The following SLC7A14 variants were observed in gnomAD, a reference collection of about 807,000 sequenced individuals.
The protein encoded by SLC7A14 is solute carrier family 7 member 14.
Under a neutral mutation model 60.2 loss-of-function variants are expected in SLC7A14, and 37 were observed. That is an observed-to-expected ratio of 0.61 (90% CI 0.47 to 0.81). The LOEUF (loss-of-function observed/expected upper bound fraction) is 0.81. Ranked by LOEUF, SLC7A14 falls within the 30% of genes least tolerant of loss-of-function variation. The pLI is 0.00. For synonymous variants in SLC7A14, 399 were observed against 395.8 expected (o/e 1.01, Z -0.10); for missense variants, 886 against 982.7 (o/e 0.90, Z 1.32).
chr3:170,501,032 T>G lies in SLC7A14; in HGVS notation c.541+77A>C, dbSNP rs150972426. On this transcript the variant is annotated intron_variant, in intron 3 of 7. Transcript: ENST00000231706. ...AGGCTTTTGATACATTTTGCCAAAT[T>G]GCTTTCTGAAAGGAGAACTCATTTA... The G allele has an allele frequency of 2.9e-3, 4,163 of 1,441,160 alleles. 8 individuals carry two copies. The highest frequency in any genetic ancestry group is 3.3e-3 in the Non-Finnish European group (3,400 of 1,030,280). The allele number at this position is 1,441,160 out of a possible 1,614,324, so 89.3% of individuals were successfully genotyped here.
chr3:170,584,682 A>G lies in SLC7A14; in HGVS notation c.-153+1229T>C, dbSNP rs572374932. ...CGCAGGGAATGTGGGCCCTGGCGGT[A>G]TTAGCACCCAGCCTCTGAGAACTTT... On this transcript the variant is annotated intron_variant, in intron 1 of 7. Coordinates refer to ENST00000231706, the MANE Select transcript of SLC7A14 (RefSeq NM_020949.3). Among the ~76,000 whole-genome samples, 83 of 152,262 alleles carry G rather than the reference A, an allele frequency of 5.5e-4. 1 individual carries two copies. The South Asian group carries it at 6.4e-3, about 12-fold the overall frequency.
At position 170,532,265 on chromosome 3, in the gene SLC7A14, C is replaced by T. The variant is rs1713700804; in HGVS notation, c.-152-5177G>A. Among the ~76,000 whole-genome samples the T allele has an allele frequency of 6.6e-6, 1 of 152,104 alleles. No individual in the cohort carries two copies. Among genetic ancestry groups the T allele is most frequent in the Non-Finnish European group, 1.5e-5 (1 of 68,006 alleles). On this transcript the variant is annotated intron_variant, in intron 1 of 7. Transcript: ENST00000231706. This position sits in a 1 kb window ranked among gnomAD's most constrained non-coding sequence, Gnocchi z 4.0. ...AAAATGAGGCTGCAGTTAGAGTAAA[C>T]GTTGCCTGGTTTTCTGAGCCCCACC...
At chr3:170,565,528 A>T (rs761762625) in intron 1 of SLC7A14, among the ~76,000 whole-genome samples, 1 of 152,166 alleles carries the variant, frequency 6.6e-6, no homozygotes, top group Non-Finnish European at 1.5e-5. Flanking sequence ...TTTCCTAGGA[A>T]AAAGGGGTGA....
At chr3:170,548,788 A>G (rs886545026) in intron 1 of SLC7A14, among the ~76,000 whole-genome samples, 10 of 152,320 alleles carry the variant, frequency 6.6e-5, no homozygotes, top group African/African-American at 2.2e-4. Context: ...ATCACTTCTC[A>G]TCTGTGAATG....
rs200276057 is a variant in SLC7A14 at position 170,483,528 on chromosome 3, A to G, written c.907-6T>C. 7.1e-4 allele frequency: 1,141 copies of G among 1,614,164 alleles called. 1 individual carries two copies. The highest frequency in any genetic ancestry group is 9.1e-4 in the Non-Finnish European group (1,071 of 1,179,998). On this transcript the variant is annotated splice_region_variant and splice_polypyrimidine_tract_variant and intron_variant, in intron 5 of 7. Transcript: ENST00000231706. Reference sequence around the variant, plus strand: ...AGAGTTAAGATCACGCTCACCTGTTAAAACAAGAGAAGACAGGGCTGGAGG... The same window carrying G: ...AGAGTTAAGATCACGCTCACCTGTTGAAACAAGAGAAGACAGGGCTGGAGG...
At position 170,480,373 on chromosome 3, in the gene SLC7A14, CA is replaced by C; in HGVS notation, c.1908del (p.Ala637ProfsTer6). On this transcript the variant is annotated frameshift_variant, in exon 7 of 8. Transcript: ENST00000231706. LOFTEE classifies it high-confidence loss of function. Reference sequence around the variant, plus strand: ...TAGATGTTCACCAGCATGGCAAAGGCAGGCACAAAGGGGAGGCAAGGGGCCA... The same window carrying C: ...TAGATGTTCACCAGCATGGCAAAGGCGGCACAAAGGGGAGGCAAGGGGCCA... ...PYMAPCLPFV[P>X]AFAMLVNIYL... 2.5e-6 allele frequency: 4 copies of C among 1,607,912 alleles called. No individual in the cohort carries two copies. The highest frequency in any genetic ancestry group is 3.4e-6 in the Non-Finnish European group (4 of 1,176,622).
In SLC7A14 at chr3:170,483,306, G is replaced by C. The variant is rs1278166882; in HGVS notation, c.1115+8C>G. On this transcript the variant is annotated splice_region_variant and intron_variant, in intron 6 of 7. Transcript: ENST00000231706. ...AGCAGGATAAATTTCATGGAGCATA[G>C]CCCTTACCTGAAAAGGAGCCCGTCA... The C allele has an allele frequency of 3.1e-6, 5 of 1,613,876 alleles. No homozygotes were observed. Among genetic ancestry groups the C allele is most frequent in the Middle Eastern group, 1.7e-4 (1 of 6,036 alleles).
At position 170,459,631 on chromosome 3, in the gene SLC7A14, CA is replaced by C. The variant is rs1739554289; in HGVS notation, c.*7423del. 6.6e-6 allele frequency: 1 copy of C among 152,160 alleles called. No homozygotes were observed. Among genetic ancestry groups the C allele is most frequent in the South Asian group, 2.1e-4 (1 of 4,822 alleles). 9.4% of individuals were successfully genotyped at this position (152,160 alleles called of 1,614,324 possible). A position where few individuals can be genotyped will look rare whatever the true frequency, so the allele number is the denominator to read the frequency against. On this transcript the variant is annotated 3_prime_UTR_variant, in exon 8 of 8. Transcript: ENST00000231706. ...TGAAAATGAATTTTCCACAATAATG[CA>C]ATTCAAAGTGAACTCATTTATCTGG...
At chr3:170,488,957 C>A (rs763147258) in intron 4 of SLC7A14, among the ~76,000 whole-genome samples, 2 of 152,228 alleles carry the variant, frequency 1.3e-5, no homozygotes, top group East Asian at 3.9e-4. Context: ...TTGTTTTCAT[C>A]CAACGTTTTC....
At chr3:170,487,536 G>A (rs550791496) in intron 4 of SLC7A14, among the ~76,000 whole-genome samples, 5 of 152,144 alleles carry the variant, frequency 3.3e-5, no homozygotes, top group South Asian at 4.2e-4. Context: ...AAATCAAAAC[G>A]TGTGCCAAGC....
intron 1 of SLC7A14, among the ~76,000 whole-genome samples, chr3:170,573,924 T>C (rs1175163821): frequency 6.6e-6 from 1 of 152,218 alleles, no homozygotes; most frequent in Non-Finnish European, 1.5e-5. Context: ...TGGGCCACAC[T>C]TAGAAGCATC....
chr3:170,513,683 G>C (rs1027006130), intron 2 of SLC7A14, among the ~76,000 whole-genome samples: 1 of 152,176 alleles, frequency 6.6e-6, no homozygotes, highest in Non-Finnish European at 1.5e-5. Flanking sequence ...CTTTTAACAA[G>C]GCACAGGCAC....
chr3:170,554,313 A>G (rs1266968503), intron 1 of SLC7A14, among the ~76,000 whole-genome samples: 4 of 152,230 alleles, frequency 2.6e-5, no homozygotes, highest in Non-Finnish European at 5.9e-5. Context: ...GAATGAAATT[A>G]ACCATGAGTC....
At chr3:170,534,163 C>T (rs1361563032) in intron 1 of SLC7A14, among the ~76,000 whole-genome samples, 1 of 152,220 alleles carries the variant, frequency 6.6e-6, no homozygotes, top group Non-Finnish European at 1.5e-5. Flanking sequence ...TTGTCTCTTG[C>T]TGTGGCTGTA....
At position 170,480,923 on chromosome 3, in the gene SLC7A14, C is replaced by A. The variant is rs578123200; in HGVS notation, c.1359G>T (p.Glu453Asp). The A allele has an allele frequency of 2.5e-6, 4 of 1,614,034 alleles. No individual in the cohort carries two copies. In the East Asian group the frequency reaches 8.9e-5, roughly 36 times the overall value. The change falls in exon 7 of 8, where the codon GAG becomes GAT. Residue 453 changes from glutamate (E) to aspartate (D), a missense_variant. Transcript: ENST00000231706. ...FLSEEHTKKKEGILADCEKEA... is the reference protein window; with the variant it reads ...FLSEEHTKKKDGILADCEKEA... ...CCTTCTCACAGTCAGCCAGAATGCC[C>A]TCCTTCTTCTTGGTGTGCTCCTCAG...
At chr3:170,471,115 G>GTGTGTGTGTGTGTGTGTGTA (rs1360589938) in intron 7 of SLC7A14, among the ~76,000 whole-genome samples, 1 of 151,636 alleles carries the variant, frequency 6.6e-6, no homozygotes, top group Non-Finnish European at 1.5e-5. Flanking sequence ...GTGTGTGTGT[G>GTGTGTGTGTGTGTGTGTGTA]TGTGTGAGTG....
At chr3:170,518,140 TA>T (rs1436321211) in intron 2 of SLC7A14, among the ~76,000 whole-genome samples, 1 of 152,114 alleles carries the variant, frequency 6.6e-6, no homozygotes, top group Non-Finnish European at 1.5e-5. Flanking sequence ...AGAGCAGAAC[TA>T]AAGTCATCCC....
At chr3:170,489,202 C>T (rs1403002926) in intron 4 of SLC7A14, among the ~76,000 whole-genome samples, 1 of 152,182 alleles carries the variant, frequency 6.6e-6, no homozygotes, top group Non-Finnish European at 1.5e-5. Flanking sequence ...TATCTGTAAA[C>T]TACCCATCTG....
chr3:170,557,612 C>A (rs951431745), intron 1 of SLC7A14, among the ~76,000 whole-genome samples: 29 of 152,296 alleles, frequency 1.9e-4, no homozygotes, highest in African/African-American at 7.0e-4. Flanking sequence ...GGCATCCAAA[C>A]CTTGGTTCAA....
Sources: allele counts gnomAD v4.1 joint callset (sites outside exome capture counted in the v4.1 genomes callset), GRCh38; gene constraint gnomAD v4.1.1; non-coding constraint Gnocchi (gnomAD v3.1); transcripts MANE v1.5; gene names NCBI Gene and HGNC (gene_info 2026-07-23, HGNC 2026-07-21).